The following PHTF2 variants were observed in gnomAD, a reference collection of about 807,000 sequenced individuals.
PHTF2 encodes the protein putative homeodomain transcription factor 2.
A neutral mutation model predicts 101.2 loss-of-function variants in PHTF2; 60 were observed. The observed-to-expected ratio is 0.59, with a 90% CI of 0.48 to 0.73. PHTF2 has a LOEUF of 0.73. PHTF2 is among the 30% of genes least tolerant of loss of function. The pLI, the probability that PHTF2 is intolerant of heterozygous loss-of-function variation, is 0.00. For synonymous variants in PHTF2, 311 were observed against 307.3 expected (o/e 1.01, Z -0.13); for missense variants, 747 against 908.7 (o/e 0.82, Z 2.29).
rs1167785916 is a variant in PHTF2 at position 77,889,577 on chromosome 7, CT to C, written c.148-4016del. Among the ~76,000 whole-genome samples, 456 of 117,890 alleles carry C rather than the reference CT, an allele frequency of 3.9e-3. 1 individual carries two copies. The highest frequency in any genetic ancestry group is 9.6e-3 in the African/African-American group (311 of 32,350). 77.3% of individuals were successfully genotyped at this position (117,890 alleles called of 152,430 possible). On this transcript the variant is annotated intron_variant, in intron 3 of 19. Coordinates refer to ENST00000416283, the Ensembl canonical transcript of PHTF2. ...AAAATGTTCATTCTGGTAGTATTTTCTTTTTTTTTTTTTTTCCTTTTTTTTT... is the reference window on the plus strand; with the variant it reads ...AAAATGTTCATTCTGGTAGTATTTTCTTTTTTTTTTTTTTCCTTTTTTTTT...
intron 1 of PHTF2, among the ~76,000 whole-genome samples, chr7:77,820,143 C>T (rs1794165701): frequency 6.6e-6 from 1 of 152,174 alleles, no homozygotes; most frequent in Non-Finnish European, 1.5e-5. Context: ...CCCTCCTCGG[C>T]CTCCCAAAGT....
intron 3 of PHTF2, among the ~76,000 whole-genome samples, chr7:77,888,823 T>C (rs1336858150): frequency 6.6e-6 from 1 of 151,704 alleles, no homozygotes; most frequent in Admixed American, 6.6e-5. Context: ...CTGCCAAGTC[T>C]CTCTGAGCAA....
At position 77,954,842 on chromosome 7, in the gene PHTF2, AT is replaced by A. The variant is rs59882937; in HGVS notation, c.2338-5del. ...TTAAAACTGGCTTGTCACCACTTCT[AT>A]TTTTTTTTTTCTAGCTATGGAAGAT... On this transcript the variant is annotated splice_polypyrimidine_tract_variant and intron_variant, in intron 19 of 19. Transcript: ENST00000416283. 0.012 allele frequency: 13,612 copies of A among 1,173,352 alleles called. No individual in the cohort carries two copies. The highest frequency in any genetic ancestry group is 0.012 in the Non-Finnish European group (10,455 of 842,024). 72.7% of individuals were successfully genotyped at this position (1,173,352 alleles called of 1,614,324 possible). A position where few individuals can be genotyped will look rare whatever the true frequency, so the allele number is the denominator to read the frequency against.
At chr7:77,820,198 T>C (rs1356771153) in intron 1 of PHTF2, among the ~76,000 whole-genome samples, 1 of 152,108 alleles carries the variant, frequency 6.6e-6, no homozygotes, top group African/African-American at 2.4e-5. Context: ...TTGGGAGACA[T>C]TTTATTACTG....
chr7:77,940,843 T>C (rs1805583443), intron 15 of PHTF2, among the ~76,000 whole-genome samples, 184 bp downstream of exon 14: 1 of 152,146 alleles, frequency 6.6e-6, no homozygotes, highest in African/African-American at 2.4e-5. Context: ...GCCCACTACT[T>C]AAAAAAGAAT....
At chr7:77,954,626 A>ATATG (rs1554397971) in intron 19 of PHTF2, among the ~76,000 whole-genome samples, 1 of 141,418 alleles carries the variant, frequency 7.1e-6, no homozygotes, top group African/African-American at 2.7e-5. Flanking sequence ...ATATATATAT[A>ATATG]TATATATATA....
At chr7:77,910,439 A>G (rs753319361) in intron 9 of PHTF2, 30 bp downstream of exon 8, 1 of 1,533,716 alleles carries the variant, frequency 6.5e-7, no homozygotes, top group Non-Finnish European at 9.0e-7. Flanking sequence ...TTTATATGGC[A>G]TAGAGATGGC....
At chr7:77,942,397 G>A (rs1805703084) in intron 15 of PHTF2, among the ~76,000 whole-genome samples, 1 of 152,092 alleles carries the variant, frequency 6.6e-6, no homozygotes, top group Non-Finnish European at 1.5e-5. Context: ...GTGCTAAGCA[G>A]GTGCTTAAGA....
intron 3 of PHTF2, among the ~76,000 whole-genome samples, chr7:77,867,808 G>C (rs151195873): frequency 6.6e-6 from 1 of 152,162 alleles, no homozygotes; most frequent in Non-Finnish European, 1.5e-5. Context: ...GTGTAATAAA[G>C]TAAATACTTA....
intron 18 of PHTF2, among the ~76,000 whole-genome samples, chr7:77,953,066 T>C (rs960841965): frequency 1.3e-5 from 2 of 152,212 alleles, no homozygotes; most frequent in Admixed American, 6.5e-5. Context: ...GCCCTAACAA[T>C]GCTGAGCAAC....
chr7:77,890,028 C>CG (rs1025744417), intron 3 of PHTF2, among the ~76,000 whole-genome samples: 4 of 150,356 alleles, frequency 2.7e-5, no homozygotes, highest in African/African-American at 7.4e-5. Flanking sequence ...ACGCGCCCCC[C>CG]CCCACCACCA....
intron 18 of PHTF2, among the ~76,000 whole-genome samples, chr7:77,953,411 G>A (rs1806723249): frequency 6.6e-6 from 1 of 152,098 alleles, no homozygotes; most frequent in African/African-American, 2.4e-5. Flanking sequence ...AATCTTGTCA[G>A]AAAATTTGGC....
exon 9 of PHTF2, chr7:77,910,349 C>A: frequency 6.2e-7 from 1 of 1,613,792 alleles, no homozygotes; most frequent in Non-Finnish European, 8.5e-7. Context: ...GGTACAAGCA[C>A]CTCTCACAGC....
chr7:77,859,311 A>G (rs918016912), intron 3 of PHTF2, among the ~76,000 whole-genome samples: 40 of 152,350 alleles, frequency 2.6e-4, no homozygotes, highest in Middle Eastern at 3.4e-3. Context: ...CTACTGAAGG[A>G]TAACTGAAGT....
intron 1 of PHTF2, among the ~76,000 whole-genome samples, chr7:77,817,705 T>C (rs2150507705): frequency 6.6e-6 from 1 of 152,362 alleles, no homozygotes; most frequent in South Asian, 2.1e-4. Flanking sequence ...ATTAGTGATG[T>C]TGGGCATTTT....
At chr7:77,955,518 T>C (rs1286595555) in exon 20 of PHTF2, 1 of 152,550 alleles carries the variant, frequency 6.6e-6, no homozygotes, top group Non-Finnish European at 1.5e-5. Flanking sequence ...TTGATAAAAA[T>C]TAACTAGTAA....
chr7:77,835,028 T>G (rs537330995), intron 1 of PHTF2, among the ~76,000 whole-genome samples: 69 of 152,266 alleles, frequency 4.5e-4, no homozygotes, highest in Admixed American at 2.4e-3. Flanking sequence ...ATTCCAGCAC[T>G]TTTGGAGGCC....
At chr7:77,920,616 A>G (rs1803363338) in intron 10 of PHTF2, among the ~76,000 whole-genome samples, 151 bp downstream of exon 9, 1 of 152,356 alleles carries the variant, frequency 6.6e-6, no homozygotes, top group East Asian at 1.9e-4. Flanking sequence ...TAAATGAGAT[A>G]AAGTGTTGTG....
At chr7:77,927,880 A>G (rs1804207396) in intron 11 of PHTF2, among the ~76,000 whole-genome samples, 1 of 152,216 alleles carries the variant, frequency 6.6e-6, no homozygotes, top group Non-Finnish European at 1.5e-5. Flanking sequence ...ATGTAGTGGA[A>G]GACAAGGTCA....
Sources: gnomAD v4.1 joint callset for allele counts (sites outside exome capture counted in the v4.1 genomes callset) on GRCh38, gnomAD v4.1.1 for gene constraint, MANE v1.5 for transcripts, NCBI Gene and HGNC (gene_info 2026-07-23, HGNC 2026-07-21) for gene names.